Variants in LTBP1 observed in about 807,000 individuals in gnomAD.
LTBP1 encodes latent-transforming growth factor beta-binding protein 1.
A neutral mutation model predicts 207.6 loss-of-function variants in LTBP1; 129 were observed. The ratio of observed to expected loss-of-function variants is 0.62; its 90% confidence interval spans 0.54 to 0.72. The LOEUF is 0.72. Ranked by LOEUF, LTBP1 falls within the 30% of genes least tolerant of loss-of-function variation. The pLI, the probability that LTBP1 is intolerant of heterozygous loss-of-function variation, is 0.00. For synonymous variants in LTBP1, 963 were observed against 833.7 expected (o/e 1.16, Z -2.67); for missense variants, 2,281 against 2,217.2 (o/e 1.03, Z -0.58).
At chr2:33,209,904 G>A (rs1487535296) in intron 7 of LTBP1, among the ~76,000 whole-genome samples, 2 of 152,304 alleles carry the variant, frequency 1.3e-5, no homozygotes, top group East Asian at 1.9e-4. Context: ...CATGAAAAAC[G>A]GATGTCTCTA....
chr2:33,033,927 C>T (rs941979523), intron 3 of LTBP1, among the ~76,000 whole-genome samples: 2 of 152,064 alleles, frequency 1.3e-5, no homozygotes, highest in Non-Finnish European at 1.5e-5. Context: ...CAGGAGTTAT[C>T]GATGTGATGT....
intron 2 of LTBP1, among the ~76,000 whole-genome samples, chr2:33,006,153 C>T (rs952480949): frequency 1.3e-5 from 2 of 152,020 alleles, no homozygotes; most frequent in African/African-American, 4.8e-5. Flanking sequence ...AAACTCCCTA[C>T]CTCAAGTGAC....
intron 10 of LTBP1, among the ~76,000 whole-genome samples, chr2:33,244,281 G>C (rs919708039): frequency 1.9e-4 from 29 of 152,198 alleles, no homozygotes; most frequent in South Asian, 4.1e-4. Context: ...TAGTTACCAA[G>C]GCCCTGTGTT....
At chr2:33,028,401 G>C (rs1169118272) in intron 3 of LTBP1, among the ~76,000 whole-genome samples, 3 of 152,120 alleles carry the variant, frequency 2.0e-5, no homozygotes, top group African/African-American at 4.8e-5. Context: ...CTAGCGTGGT[G>C]GCTCACACCT....
At chr2:33,028,184 G>T (rs576275563) in intron 3 of LTBP1, among the ~76,000 whole-genome samples, 17 of 152,156 alleles carry the variant, frequency 1.1e-4, no homozygotes. Flanking sequence ...CACACCGCTG[G>T]GTCTGGTGGA....
intron 3 of LTBP1, among the ~76,000 whole-genome samples, chr2:33,052,308 G>C (rs1453262155): frequency 6.6e-6 from 1 of 152,174 alleles, no homozygotes; most frequent in Non-Finnish European, 1.5e-5. Flanking sequence ...TCTTTGAAGA[G>C]GTGTCCTCTA....
chr2:33,077,057 T>G (rs913126355), intron 3 of LTBP1, among the ~76,000 whole-genome samples: 2 of 152,222 alleles, frequency 1.3e-5, no homozygotes, highest in African/African-American at 4.8e-5. Flanking sequence ...TATTGCTGTT[T>G]TATAGGGAAG....
At chr2:33,309,963 T>C (rs1355110657) in intron 23 of LTBP1, among the ~76,000 whole-genome samples, 5 of 151,524 alleles carry the variant, frequency 3.3e-5, no homozygotes, top group African/African-American at 9.7e-5. Flanking sequence ...TTTTTTTTTT[T>C]TGAGACAGAG....
rs1058840 is a variant in LTBP1 at position 33,315,181 on chromosome 2, G to A, written c.3642G>A (p.Pro1214=). The A allele has an allele frequency of 0.63, 1,011,514 of 1,610,648 alleles. 325,057 individuals carry two copies. Among genetic ancestry groups the A allele is most frequent in the Non-Finnish European group, 0.66 (776,255 of 1,178,574 alleles). ...GTGAACATCCAGGGCTCTGTGGTCC[G>A]CAAGGGGAGTGCCTAAACACAGAGG... ...NECEHPGLCG[P]QGECLNTEGS... is the part of the protein sequence containing the mutation. Residue 1214 remains proline (P), a synonymous_variant, in exon 24 of 34, where the codon CCG becomes CCA. Coordinates refer to ENST00000404816, the MANE Select transcript of LTBP1 (RefSeq NM_206943.4).
At chr2:33,168,646 A>G (rs1413789033) in intron 5 of LTBP1, among the ~76,000 whole-genome samples, 1 of 152,030 alleles carries the variant, frequency 6.6e-6, no homozygotes, top group Non-Finnish European at 1.5e-5. Flanking sequence ...ATGGAGATTT[A>G]AAGGTCACAG....
chr2:33,017,838 A>G (rs568903508), intron 2 of LTBP1, among the ~76,000 whole-genome samples: 358 of 152,174 alleles, frequency 2.4e-3, no homozygotes, highest in African/African-American at 8.3e-3. Context: ...GGATGGTCTC[A>G]ATCTCCTGAC....
chr2:33,335,518 C>G (rs917424155), intron 24 of LTBP1, among the ~76,000 whole-genome samples: 1 of 152,198 alleles, frequency 6.6e-6, no homozygotes, highest in East Asian at 1.9e-4. Context: ...TTAAAAGGAT[C>G]TTTCCATATC....
intron 5 of LTBP1, among the ~76,000 whole-genome samples, chr2:33,142,282 C>T (rs934265874): frequency 2.0e-5 from 3 of 152,076 alleles, no homozygotes; most frequent in Non-Finnish European, 4.4e-5. Context: ...GTCTCGATCT[C>T]CTGATCTCGT....
intron 4 of LTBP1, among the ~76,000 whole-genome samples, chr2:33,133,145 C>G (rs995790793): frequency 7.9e-5 from 12 of 152,160 alleles, no homozygotes; most frequent in African/African-American, 2.9e-4. Context: ...GGGCCCCATT[C>G]CAACCCTGAA....
chr2:33,271,680 A>G (rs17012718), intron 15 of LTBP1, among the ~76,000 whole-genome samples: 6,098 of 152,236 alleles, frequency 0.04, 415 homozygotes, highest in African/African-American at 0.13. Flanking sequence ...GCTAATCCTA[A>G]AAACCATAAA....
intron 3 of LTBP1, among the ~76,000 whole-genome samples, chr2:33,093,641 A>G (rs1050186602): frequency 1.3e-5 from 2 of 152,180 alleles, no homozygotes; most frequent in Non-Finnish European, 2.9e-5. Flanking sequence ...ACATGTGTAT[A>G]TACATATATG....
intron 7 of LTBP1, among the ~76,000 whole-genome samples, chr2:33,212,605 G>T (rs569377805): frequency 6.6e-6 from 1 of 152,294 alleles, no homozygotes; most frequent in Non-Finnish European, 1.5e-5. Context: ...TCCATGGTCA[G>T]CTCCTAGTGA....
At chr2:33,179,346 G>C (rs961323400) in intron 5 of LTBP1, among the ~76,000 whole-genome samples, 4 of 151,968 alleles carry the variant, frequency 2.6e-5, no homozygotes, top group Non-Finnish European at 5.9e-5. Context: ...ATGAATATTC[G>C]TGAAGTCTTT....
intron 5 of LTBP1, among the ~76,000 whole-genome samples, chr2:33,138,259 G>C (rs920518840): frequency 4.6e-5 from 7 of 152,132 alleles, no homozygotes; most frequent in African/African-American, 1.7e-4. Context: ...TATTCAGTGG[G>C]AGAAATAATA....
Sources: gnomAD v4.1 joint callset for allele counts (sites outside exome capture counted in the v4.1 genomes callset) on GRCh38, gnomAD v4.1.1 for gene constraint, MANE v1.5 for transcripts, NCBI Gene and HGNC (gene_info 2026-07-23, HGNC 2026-07-21) for gene names.